PMF1: variants seen among roughly 807,000 people sequenced by gnomAD.
PMF1 encodes the protein polyamine modulated factor 1.
In PMF1, 21 loss-of-function variants were observed where a neutral mutation model predicts 26.7. The ratio of observed to expected loss-of-function variants is 0.79; its 90% CI spans 0.56 to 1.13. The LOEUF is 1.13. Among genes scored for constraint, PMF1 ranks in the 50% most tolerant of loss-of-function variants. The pLI is 0.00. For synonymous variants in PMF1, 105 were observed against 101.0 expected (o/e 1.04, Z -0.24); for missense variants, 266 against 254.9 (o/e 1.04, Z -0.30).
Position 156,233,703 on chromosome 1 carries a change from G to A in PMF1, c.343G>A (p.Gly115Ser). 2 of 1,613,896 alleles carry A rather than the reference G, an allele frequency of 1.2e-6. No homozygotes were observed. ...LNALDKIVEE[G>S]KVRKEPAWRP... ...TGCCTTGGATAAAATTGTGGAAGAAGGCAAAGTCCGCAAAGAGCCAGCCTG... is the reference window on the plus strand; with the variant it reads ...TGCCTTGGATAAAATTGTGGAAGAAAGCAAAGTCCGCAAAGAGCCAGCCTG... Residue 115 changes from glycine (G) to serine (S), a missense_variant, in exon 3 of 5, where the codon GGC (glycine) becomes AGC (serine). Transcript: ENST00000368277.
intron 1 of PMF1, among the ~76,000 whole-genome samples, chr1:156,213,564 A>G (rs1657510977): frequency 6.6e-6 from 1 of 151,652 alleles, no homozygotes; most frequent in Non-Finnish European, 1.5e-5. Flanking sequence ...TCCTGGGCTC[A>G]AGCGATCTTC....
intron 1 of PMF1, among the ~76,000 whole-genome samples, chr1:156,216,648 C>T (rs111317173): frequency 6.6e-6 from 1 of 151,666 alleles, no homozygotes; most frequent in Non-Finnish European, 1.5e-5. Flanking sequence ...CACCCGGGGG[C>T]GGCGGGGAAG....
chr1:156,228,650 G>A (rs1042297830), intron 1 of PMF1, among the ~76,000 whole-genome samples: 10 of 152,100 alleles, frequency 6.6e-5, no homozygotes, highest in Admixed American at 2.0e-4. Context: ...AGAGAGATGC[G>A]TCCAGCTCAG....
intron 1 of PMF1, chr1:156,225,452 C>A: frequency 4.6e-6 from 3 of 658,268 alleles, no homozygotes; most frequent in Non-Finnish European, 8.4e-6. Flanking sequence ...TCACCCCCCT[C>A]CCACCCTTTC....
At chr1:156,213,270 T>G in intron 1 of PMF1, 94 bp downstream of exon 1, 2 of 1,538,886 alleles carry the variant, frequency 1.3e-6, no homozygotes, top group Non-Finnish European at 1.8e-6. Context: ...CGCGGTGACG[T>G]GGGTCCGCGT....
intron 1 of PMF1, among the ~76,000 whole-genome samples, chr1:156,228,411 A>T (rs116233133): frequency 0.013 from 1,988 of 151,924 alleles, 18 homozygotes; most frequent in Middle Eastern, 0.037. Context: ...GTACTCACTG[A>T]CACTGGCACC....
chr1:156,239,478 G>A, intron 4 of PMF1, 70 bp from the exon 5 acceptor site: 2 of 1,281,382 alleles, frequency 1.6e-6, no homozygotes. Flanking sequence ...CCTGGAGTCA[G>A]GGACAGTGGA....
chr1:156,214,029 A>C (rs1209777123), intron 1 of PMF1, among the ~76,000 whole-genome samples: 1 of 152,066 alleles, frequency 6.6e-6, no homozygotes, highest in Non-Finnish European at 1.5e-5. Flanking sequence ...CCCCTGCCTC[A>C]GCCTCCCAAG....
At position 156,236,282 on chromosome 1, in the gene PMF1, C is replaced by T; in HGVS notation, c.369-6C>T. The T allele has an allele frequency of 6.2e-7, 1 of 1,602,502 alleles. No homozygotes were observed. The highest frequency in any genetic ancestry group is 1.3e-5 in the African/African-American group (1 of 74,820). On this transcript the variant is annotated splice_polypyrimidine_tract_variant and splice_region_variant and intron_variant, in intron 3 of 4. Transcript: ENST00000368277. The stretch of plus-strand genomic sequence containing the variant: ...TTCATTCCTTGTGCCCCGTGTGGCC[C>T]TCCAGGCGCCCCAGCGGGATCCCAG...
At position 156,219,531 on chromosome 1, in the gene PMF1, A is replaced by G. The variant is rs560814138; in HGVS notation, c.161+6355A>G. On this transcript the variant is annotated intron_variant, in intron 1 of 4. Coordinates refer to ENST00000368277, the MANE Select transcript of PMF1 (RefSeq NM_007221.4). The stretch of plus-strand genomic sequence containing the variant: ...TCTCTGCCAGTGCATGTGGGTTGTT[A>G]AAACCAGGCCCTTGTAGGAAACCTT... Among the ~76,000 whole-genome samples the G allele has an allele frequency of 2.0e-5, 3 of 152,270 alleles. No homozygotes were observed. The East Asian group carries it at 5.8e-4, about 29-fold the overall frequency.
At chr1:156,237,733 C>T (rs191070019) in intron 4 of PMF1, among the ~76,000 whole-genome samples, 77 of 150,762 alleles carry the variant, frequency 5.1e-4, no homozygotes, top group Non-Finnish European at 7.7e-4. Context: ...AGACTTGAGC[C>T]ACCACACCTG....
intron 1 of PMF1, among the ~76,000 whole-genome samples, chr1:156,223,111 T>G (rs1473898157): frequency 1.3e-5 from 2 of 152,218 alleles, no homozygotes; most frequent in African/African-American, 4.8e-5. Flanking sequence ...ATTGGTGGTG[T>G]TTTGTTTCTG....
intron 4 of PMF1, chr1:156,236,760 C>T: frequency 2.1e-6 from 1 of 471,526 alleles, no homozygotes; most frequent in Non-Finnish European, 3.8e-6. Context: ...AGGTGAGTCA[C>T]CCAAGGTAAC....
At chr1:156,232,509 C>G (rs2251615) in intron 2 of PMF1, 84 bp downstream of exon 2, 15 of 1,304,034 alleles carry the variant, frequency 1.2e-5, no homozygotes, top group Non-Finnish European at 1.4e-5. Context: ...TGGCCCCACC[C>G]TCTACACCTC....
intron 4 of PMF1, among the ~76,000 whole-genome samples, chr1:156,238,244 A>C (rs1659151476): frequency 6.6e-6 from 1 of 152,172 alleles, no homozygotes; most frequent in Non-Finnish European, 1.5e-5. Context: ...GCTCAGGATT[A>C]TTTTGACTAT....
In PMF1 at chr1:156,239,982, C is replaced by T. The variant is rs1031439186; in HGVS notation, c.*381C>T. 9.1e-6 allele frequency: 2 copies of T among 220,982 alleles called. No individual in the cohort carries two copies. The highest frequency in any genetic ancestry group is 4.6e-5 in the African/African-American group (2 of 43,794). The allele number at this position is 220,982 out of a possible 1,614,324, so 13.7% of individuals were successfully genotyped here. A position where few individuals can be genotyped will look rare whatever the true frequency, so the allele number is the denominator to read the frequency against. ...ACTGATTGCCCCCTTGCTGGCCAGC[C>T]CAGGGGCCTTTACCATGTTCTCTCC... On this transcript the variant is annotated 3_prime_UTR_variant, in exon 5 of 5. Coordinates refer to ENST00000368277, the MANE Select transcript of PMF1 (RefSeq NM_007221.4).
rs548788629 is a variant in PMF1 at position 156,236,033 on chromosome 1, C to T, written c.369-255C>T. ...AAAGGAGGGGAATGTGGGGTATGGT[C>T]GGGAAGGCTAAGATAGGGGCTGAAG... On this transcript the variant is annotated intron_variant, in intron 3 of 4. Transcript: ENST00000368277. Among the ~76,000 whole-genome samples, 31 of 152,062 alleles carry T rather than the reference C, an allele frequency of 2.0e-4. No individual in the cohort carries two copies. In the South Asian group the frequency reaches 5.2e-3, roughly 25 times the overall value.
At chr1:156,231,741 G>T (rs1225421624) in intron 1 of PMF1, among the ~76,000 whole-genome samples, 2 of 152,098 alleles carry the variant, frequency 1.3e-5, no homozygotes, top group African/African-American at 4.8e-5. Flanking sequence ...AACAATAAGA[G>T]AAATATATTA....
At chr1:156,239,450 C>T (rs1659225552) in intron 4 of PMF1, 98 bp from the exon 5 acceptor site, 5 of 930,654 alleles carry the variant, frequency 5.4e-6, no homozygotes, top group Non-Finnish European at 1.7e-6. Flanking sequence ...TCCATATTGT[C>T]CTGGGGGAAA....
Sources: gnomAD v4.1 joint callset for allele counts (sites outside exome capture counted in the v4.1 genomes callset) on GRCh38, gnomAD v4.1.1 for gene constraint, MANE v1.5 for transcripts, NCBI Gene and HGNC (gene_info 2026-07-23, HGNC 2026-07-21) for gene names.